The following MOG variants were observed in gnomAD, a reference collection of about 807,000 sequenced individuals.
The protein encoded by MOG is myelin oligodendrocyte glycoprotein, also known as myelin-oligodendrocyte glycoprotein.
A neutral mutation model predicts 35.9 loss-of-function variants in MOG; 20 were observed. The observed-to-expected ratio is 0.56, with a 90% CI of 0.39 to 0.81. The LOEUF (loss-of-function observed/expected upper bound fraction) is 0.81. Ranked by LOEUF, MOG falls within the 30% of genes least tolerant of loss-of-function variation. The probability of loss-of-function intolerance (pLI) is 0.00; values close to 1 mark genes in which losing one functional copy is unlikely to be tolerated. For synonymous variants in MOG, 92 were observed against 114.3 expected, an observed-to-expected ratio of 0.80 and a Z score of 1.25; for missense variants, 251 against 301.0, an observed-to-expected ratio of 0.83 and a Z score of 1.23.
chr6:29,668,929 CTT>C (rs869182982), intron 5 of MOG, among the ~76,000 whole-genome samples: 38 of 140,996 alleles, frequency 2.7e-4, no homozygotes, highest in Admixed American at 3.6e-4. Context: ...ATAAATGTTT[CTT>C]TTTTTTTTTT....
rs747241562 is a variant in MOG at position 29,657,204 on chromosome 6, G to T, written c.-6G>T. The T allele has an allele frequency of 1.9e-5, 31 of 1,605,248 alleles. No homozygotes were observed. Among genetic ancestry groups the T allele is most frequent in the Non-Finnish European group, 2.0e-5 (24 of 1,173,386 alleles). On this transcript the variant is annotated 5_prime_UTR_variant, in exon 1 of 8. Coordinates refer to ENST00000376917, the MANE Select transcript of MOG (RefSeq NM_206809.4). ...CGGGGGCTCTCTGTCCCCAGGAACAGTAGAGATGGCAAGCTTATCAAGACC... is the reference window on the plus strand; with the variant it reads ...CGGGGGCTCTCTGTCCCCAGGAACATTAGAGATGGCAAGCTTATCAAGACC...
chr6:29,659,458 G>C lies in MOG; in HGVS notation c.228G>C (p.Val76=), dbSNP rs962931149. 6 of 1,612,926 alleles carry C rather than the reference G, an allele frequency of 3.7e-6. No homozygotes were observed. Among genetic ancestry groups the C allele is most frequent in the African/African-American group, 1.3e-5 (1 of 74,898 alleles). The change falls in exon 2 of 8, where the codon GTG becomes GTC. Residue 76 remains valine (V), a synonymous_variant. Transcript: ENST00000376917. ...GGTACCGCCCCCCCTTCTCTAGGGT[G>C]GTTCATCTCTACAGAAATGGCAAGG... ...VGWYRPPFSR[V]VHLYRNGKDQ... is the part of the protein sequence containing the mutation.
Position 29,671,208 on chromosome 6 carries a change from G to T in MOG, c.*23G>T, listed in dbSNP as rs757378712. On this transcript the variant is annotated 3_prime_UTR_variant, in exon 8 of 8. Transcript: ENST00000376917. Reference sequence around the variant, plus strand: ...TGAGTGATGTCACATCTTGGCAGGGGTGGAGGAGAGCCTGGTTGCCCAGGG... The same window carrying T: ...TGAGTGATGTCACATCTTGGCAGGGTTGGAGGAGAGCCTGGTTGCCCAGGG... 6.2e-7 allele frequency: 1 copy of T among 1,612,854 alleles called. No individual in the cohort carries two copies. The highest frequency in any genetic ancestry group is 1.3e-5 in the African/African-American group (1 of 75,046).
chr6:29,663,266 C>CAAA (rs34825987), intron 2 of MOG, among the ~76,000 whole-genome samples: 6 of 61,404 alleles, frequency 9.8e-5, no homozygotes, highest in Non-Finnish European at 1.5e-4. Context: ...GAGTGAGACT[C>CAAA]AAAAAAAAAA....
chr6:29,659,887 G>C, intron 2 of MOG: 1 of 608,696 alleles, frequency 1.6e-6, no homozygotes, highest in Non-Finnish European at 2.9e-6. Flanking sequence ...CCTTTGAGTA[G>C]GTAAGTGACA....
At chr6:29,660,083 G>A (rs1001237514) in intron 2 of MOG, among the ~76,000 whole-genome samples, 9 of 152,094 alleles carry the variant, frequency 5.9e-5, no homozygotes, top group African/African-American at 1.9e-4. Context: ...CTACTCAGGA[G>A]GCTGAGACGG....
At position 29,664,024 on chromosome 6, in the gene MOG, G is replaced by A. The variant is rs367691821; in HGVS notation, c.437-2128G>A. On this transcript the variant is annotated intron_variant, in intron 2 of 7. Coordinates refer to ENST00000376917, the MANE Select transcript of MOG (RefSeq NM_206809.4). ...GGGCTTCAGCTGCAGCATGGCACAT[G>A]GAGATTAGAGTGGGGCTTTTGGATG... is the stretch of plus-strand genomic sequence containing the variant. 3.7e-4 allele frequency: 150 copies of A among 405,322 alleles called. 5 individuals carry two copies. In the East Asian group the frequency reaches 7.5e-3, roughly 20 times the overall value. The allele number at this position is 405,322 out of a possible 1,614,324, so 25.1% of individuals were successfully genotyped here. A position where few individuals can be genotyped will look rare whatever the true frequency, so the allele number is the denominator to read the frequency against.
rs774650841 is a variant in MOG at position 29,670,248 on chromosome 6, T to C, written c.593-33T>C. On this transcript the variant is annotated intron_variant, in intron 5 of 7. Coordinates refer to ENST00000376917, the MANE Select transcript of MOG (RefSeq NM_206809.4). This position sits in a 1 kb window ranked among gnomAD's most constrained non-coding sequence, Gnocchi z 4.2. ...TGGGTGGGGCATGAGGGGGAACACA[T>C]GTTAACCCTGTTTGTTCTGGTGAAC... The C allele has an allele frequency of 1.9e-6, 3 of 1,614,142 alleles. No individual in the cohort carries two copies. In the South Asian group the frequency reaches 3.3e-5, roughly 18 times the overall value.
chr6:29,659,243 C>G lies in MOG; in HGVS notation c.89-76C>G, dbSNP rs573101635. The stretch of plus-strand genomic sequence containing the variant: ...GTCTTCTTCCTTCCCTGTTTTGAAG[C>G]AGCCCTTCTCATGACAGGCTTGCTT... On this transcript the variant is annotated intron_variant, in intron 1 of 7. Transcript: ENST00000376917. The G allele has an allele frequency of 3.7e-6, 5 of 1,353,868 alleles. No individual in the cohort carries two copies. The African/African-American group carries it at 7.2e-5, about 19-fold the overall frequency. The allele number at this position is 1,353,868 out of a possible 1,614,324, so 83.9% of individuals were successfully genotyped here. A position where few individuals can be genotyped will look rare whatever the true frequency, so the allele number is the denominator to read the frequency against.
intron 3 of MOG, among the ~76,000 whole-genome samples, chr6:29,666,988 C>T (rs1009828107): frequency 6.6e-6 from 1 of 152,160 alleles, no homozygotes; most frequent in Non-Finnish European, 1.5e-5. Flanking sequence ...TTTCTCTCAC[C>T]TTGAATTCAT....
At chr6:29,668,929 C>CT (rs869182982) in intron 5 of MOG, among the ~76,000 whole-genome samples, 3,381 of 141,094 alleles carry the variant, frequency 0.024, 111 homozygotes, top group African/African-American at 0.075. Context: ...ATAAATGTTT[C>CT]TTTTTTTTTT....
rs1771326073 is a variant in MOG at position 29,670,851 on chromosome 6, G to T, written c.730+130G>T. On this transcript the variant is annotated intron_variant, in intron 7 of 7. Coordinates refer to ENST00000376917, the MANE Select transcript of MOG (RefSeq NM_206809.4). The surrounding 1 kb of genome is among the most constrained non-coding windows in gnomAD (Gnocchi z 4.2). ...GGAAAGGAGGAGCTGGAGAGCCTGG[G>T]TGGAGGGAAGACTCCTCCTGGGAGG... The T allele has an allele frequency of 1.9e-6, 3 of 1,579,884 alleles. No homozygotes were observed. Among genetic ancestry groups the T allele is most frequent in the Admixed American group, 3.7e-5 (2 of 53,646 alleles).
In MOG at chr6:29,662,674, T is replaced by G. The variant is rs992741195; in HGVS notation, c.436+3008T>G. Among the ~76,000 whole-genome samples, 1 of 152,122 alleles carries G rather than the reference T, an allele frequency of 6.6e-6. No individual in the cohort carries two copies. The highest frequency in any genetic ancestry group is 2.1e-4 in the South Asian group (1 of 4,822). ...GATCATTTCTTTTTTTTCTTTTTAT[T>G]TATTTTGAGACAGGATCTGTCTCTG... On this transcript the variant is annotated intron_variant, in intron 2 of 7. Coordinates refer to ENST00000376917, the MANE Select transcript of MOG (RefSeq NM_206809.4). This position sits in a 1 kb window ranked among gnomAD's most constrained non-coding sequence, Gnocchi z 4.2.
At chr6:29,659,744 C>A in intron 2 of MOG, 78 bp downstream of exon 2, 1 of 1,172,774 alleles carries the variant, frequency 8.5e-7, no homozygotes, top group Non-Finnish European at 1.2e-6. Flanking sequence ...AGATGAGATC[C>A]CTCAACCCAA....
intron 3 of MOG, among the ~76,000 whole-genome samples, chr6:29,666,560 G>C (rs566262855): frequency 6.6e-6 from 1 of 152,206 alleles, no homozygotes; most frequent in Non-Finnish European, 1.5e-5. Context: ...TACTCAAACC[G>C]ATATAACTTA....
chr6:29,666,046 A>G, intron 2 of MOG, 106 bp from the exon 3 acceptor site: 1 of 813,392 alleles, frequency 1.2e-6, no homozygotes, highest in East Asian at 2.4e-5. Flanking sequence ...TTGAATCCTG[A>G]TGATATTCAC....
In MOG at chr6:29,670,325, G is replaced by A. The variant is rs989709447; in HGVS notation, c.637G>A (p.Val213Ile). Residue 213 changes from valine (V) to isoleucine (I), a missense_variant, in exon 6 of 8, where the codon GTA (valine) becomes ATA (isoleucine). Coordinates refer to ENST00000376917, the MANE Select transcript of MOG (RefSeq NM_206809.4). This position sits in a 1 kb window ranked among gnomAD's most constrained non-coding sequence, Gnocchi z 4.2. ...RVPCWKITLF[V>I]IVPVLGPLVA... ...GCCCTGCTGGAAGATAACCCTGTTT[G>A]TAATTGTGCCGGTTCTTGGACCCTT... The A allele has an allele frequency of 3.7e-6, 6 of 1,614,182 alleles. No homozygotes were observed. The Admixed American group carries it at 8.3e-5, about 22-fold the overall frequency.
chr6:29,666,109 G>T, intron 2 of MOG, 43 bp from the exon 3 acceptor site: 2 of 1,241,494 alleles, frequency 1.6e-6, no homozygotes, highest in African/African-American at 1.5e-5. Context: ...GAGTGTTGGG[G>T]ATTCAGCTCT....
chr6:29,670,572 A>G lies in MOG; in HGVS notation c.710-129A>G. 6.4e-7 allele frequency: 1 copy of G among 1,568,090 alleles called. No individual in the cohort carries two copies. The highest frequency in any genetic ancestry group is 2.3e-5 in the East Asian group (1 of 44,206). The stretch of plus-strand genomic sequence containing the variant: ...CTTCTGAGAAACTGTGAAGAGAACC[A>G]CTTACTGGATCTGTGGGATCCCCCA... On this transcript the variant is annotated intron_variant, in intron 6 of 7. Coordinates refer to ENST00000376917, the MANE Select transcript of MOG (RefSeq NM_206809.4). This position sits in a 1 kb window ranked among gnomAD's most constrained non-coding sequence, Gnocchi z 4.2.
Sources: allele counts gnomAD v4.1 joint callset (sites outside exome capture counted in the v4.1 genomes callset), GRCh38; gene constraint gnomAD v4.1.1; non-coding constraint Gnocchi (gnomAD v3.1); transcripts MANE v1.5; gene names NCBI Gene and HGNC (gene_info 2026-07-23, HGNC 2026-07-21).